The following LSM14B variants were observed in gnomAD, a reference collection of about 807,000 sequenced individuals.
The protein encoded by LSM14B is protein LSM14 homolog B.
A neutral mutation model predicts 42.1 loss-of-function variants in LSM14B; 8 were observed. The observed-to-expected ratio is 0.19, with a 90% confidence interval of 0.11 to 0.34. LSM14B has a LOEUF of 0.34. LSM14B is among the 10% of genes least tolerant of loss of function. The pLI is 1.00. For missense variants in LSM14B, 396 were observed against 513.1 expected (o/e 0.77, Z 2.21); for synonymous variants, 219 against 209.7 (o/e 1.04, Z -0.38).
rs1223364549 is a variant in LSM14B, at chr20:62,133,412, C to T, written c.1109C>T (p.Thr370Ile). The T allele has an allele frequency of 3.1e-6, 5 of 1,613,168 alleles. No individual in the cohort carries two copies. The South Asian group carries it at 3.3e-5, about 11-fold the overall frequency. Reference sequence around the variant, plus strand: ...TTCCGAGGAGGCAGGGGCAATGGGACCACCCGTCGCAACCCCACTTCCCAC... The same window carrying T: ...TTCCGAGGAGGCAGGGGCAATGGGATCACCCGTCGCAACCCCACTTCCCAC... ...GGFRGGRGNG[T>I]TRRNPTSHRA... The change falls in exon 8 of 9, where the codon ACC becomes ATC. Residue 370 changes from threonine to isoleucine, a missense_variant. Transcript: ENST00000279068.
intron 7 of LSM14B, 142 bp downstream of exon 7, chr20:62,131,648 G>A: frequency 9.2e-7 from 1 of 1,085,728 alleles, no homozygotes; most frequent in Non-Finnish European, 1.3e-6. Context: ...TGCATGATGG[G>A]TGCCGGAGTC....
At chr20:62,132,237 A>T (rs2056788892) in intron 7 of LSM14B, among the ~76,000 whole-genome samples, 1 of 152,236 alleles carries the variant, frequency 6.6e-6, no homozygotes, top group Non-Finnish European at 1.5e-5. Flanking sequence ...ATCAGTTCTC[A>T]CAGGCAGAGC....
chr20:62,130,502 C>A lies in LSM14B; in HGVS notation c.674-28C>A, dbSNP rs369122336. On this transcript the variant is annotated intron_variant, in intron 5 of 8. Coordinates refer to ENST00000279068, the MANE Select transcript of LSM14B (RefSeq NM_144703.3). The surrounding 1 kb of genome is among the most constrained non-coding windows in gnomAD (Gnocchi z 4.1). ...AGATCACTGGGTTGGTGACCTACTTCAGCCAGGGCTGTCCTTTGTCCTCAC... is the reference window on the plus strand; with the variant it reads ...AGATCACTGGGTTGGTGACCTACTTAAGCCAGGGCTGTCCTTTGTCCTCAC... 56 of 1,609,226 alleles carry A rather than the reference C, an allele frequency of 3.5e-5. No individual in the cohort carries two copies. The African/African-American group carries it at 7.2e-4, about 21-fold the overall frequency.
chr20:62,131,092 G>A (rs1035333383), intron 6 of LSM14B, among the ~76,000 whole-genome samples: 1 of 152,168 alleles, frequency 6.6e-6, no homozygotes, highest in Non-Finnish European at 1.5e-5. Flanking sequence ...GATGCCAGGC[G>A]GATGGTGACC....
At chr20:62,128,473 T>G (rs2056668209) in intron 3 of LSM14B, among the ~76,000 whole-genome samples, 1 of 152,224 alleles carries the variant, frequency 6.6e-6, no homozygotes, top group African/African-American at 2.4e-5. Context: ...ACTCTGTGTA[T>G]CTGAGTTACA....
At chr20:62,131,327 A>G (rs370978232) in intron 6 of LSM14B, 29 bp from the exon 7 acceptor site, 1 of 1,564,392 alleles carries the variant, frequency 6.4e-7, no homozygotes, top group Middle Eastern at 1.7e-4. Context: ...CCCCTCCTCC[A>G]TCTCCACGTG....
At chr20:62,126,968 GC>G (rs1245430018) in intron 3 of LSM14B, among the ~76,000 whole-genome samples, 2 of 152,206 alleles carry the variant, frequency 1.3e-5, no homozygotes, top group African/African-American at 4.8e-5. Flanking sequence ...CTGCACTCTA[GC>G]CTGAGCGGCA....
At position 62,130,736 on chromosome 20, in the gene LSM14B, CT is replaced by C; in HGVS notation, c.835+46del. ...AATTATTCTCTGCACAGGAGTACCC[CT>C]AGAGAGTGTTAGGAGGAGATGCCTG... On this transcript the variant is annotated intron_variant, in intron 6 of 8. Coordinates refer to ENST00000279068, the MANE Select transcript of LSM14B (RefSeq NM_144703.3). This position sits in a 1 kb window ranked among gnomAD's most constrained non-coding sequence, Gnocchi z 4.1. The C allele has an allele frequency of 6.3e-7, 1 of 1,586,832 alleles. No individual in the cohort carries two copies. Among genetic ancestry groups the C allele is most frequent in the South Asian group, 1.1e-5 (1 of 89,164 alleles).
chr20:62,131,297 C>T, intron 6 of LSM14B, 59 bp from the exon 7 acceptor site: 2 of 1,532,870 alleles, frequency 1.3e-6, no homozygotes, highest in African/African-American at 2.8e-5. Flanking sequence ...GACCACCCTG[C>T]TAAAAGGCTG....
chr20:62,124,681 T>C lies in LSM14B; in HGVS notation c.192T>C (p.Tyr64=). 6.2e-7 allele frequency: 1 copy of C among 1,613,982 alleles called. No individual in the cohort carries two copies. Among genetic ancestry groups the C allele is most frequent in the South Asian group, 1.1e-5 (1 of 91,084 alleles). Residue 64 remains tyrosine (Y), a synonymous_variant, in exon 2 of 9, where the codon TAT becomes TAC. Coordinates refer to ENST00000279068, the MANE Select transcript of LSM14B (RefSeq NM_144703.3). ...DRPAPPREEI[Y]EYIIFRGSDI... is the part of the protein sequence containing the mutation. The stretch of plus-strand genomic sequence containing the variant: ...CTGCGCCCCCCAGAGAGGAGATTTA[T>C]GAGTACATCATTTTCCGAGGAAGTG...
rs749926243 is a variant in LSM14B, at chr20:62,122,724, G to T, written c.58G>T (p.Ala20Ser). The T allele has an allele frequency of 6.6e-7, 1 of 1,524,990 alleles. No individual in the cohort carries two copies. The highest frequency in any genetic ancestry group is 1.2e-5 in the South Asian group (1 of 85,050). The allele number at this position is 1,524,990 out of a possible 1,614,324, so 94.5% of individuals were successfully genotyped here. The change falls in exon 1 of 9, where the codon GCG (alanine) becomes TCG (serine). Residue 20 changes from alanine (A) to serine (S), a missense_variant. Transcript: ENST00000279068. This position sits in a 1 kb window ranked among gnomAD's most constrained non-coding sequence, Gnocchi z 4.6. ...LGSKISLISK[A>S]QIRYEGILYT... ...CAGCAAGATCAGCCTCATCTCCAAGGCGCAGATCCGCTACGAGGGCATTCT... is the reference window on the plus strand; with the variant it reads ...CAGCAAGATCAGCCTCATCTCCAAGTCGCAGATCCGCTACGAGGGCATTCT...
rs370993896 is a variant in LSM14B at position 62,131,918 on chromosome 20, T to C, written c.986+412T>C. Among the ~76,000 whole-genome samples, 169 of 152,318 alleles carry C rather than the reference T, an allele frequency of 1.1e-3. 4 individuals are homozygous for C. The highest frequency in any genetic ancestry group is 3.7e-3 in the South Asian group (18 of 4,830). On this transcript the variant is annotated intron_variant, in intron 7 of 8. Transcript: ENST00000279068. Reference sequence around the variant, plus strand: ...CTCACACTGGCTTTCCTTCACTTCATTGTTTGAGGCCAGGGACCATGTGGT... The same window carrying C: ...CTCACACTGGCTTTCCTTCACTTCACTGTTTGAGGCCAGGGACCATGTGGT...
intron 3 of LSM14B, 121 bp downstream of exon 3, chr20:62,126,560 T>G: frequency 7.6e-7 from 1 of 1,318,398 alleles, no homozygotes; most frequent in Non-Finnish European, 1.0e-6. Context: ...ACTGTTTTGT[T>G]GCACACTTAG....
At position 62,133,216 on chromosome 20, in the gene LSM14B, G is replaced by T. The variant is rs530420531; in HGVS notation, c.987-74G>T. 141 of 1,560,162 alleles carry T rather than the reference G, an allele frequency of 9.0e-5. 1 individual carries two copies. The African/African-American group carries it at 1.6e-3, about 18-fold the overall frequency. On this transcript the variant is annotated intron_variant, in intron 7 of 8. Transcript: ENST00000279068. ...GAGTCTGTCCCTCCTTCCCTGGGCC[G>T]CTCTGAGGACGAGGCCTGGCCAGAA...
intron 3 of LSM14B, chr20:62,127,832 T>C (rs1364380852): frequency 1.3e-6 from 1 of 750,536 alleles, no homozygotes; most frequent in Admixed American, 2.0e-5. Context: ...GAGCTGCTTG[T>C]TTTGCTTCAG....
chr20:62,125,641 A>G (rs1469084461), intron 2 of LSM14B, among the ~76,000 whole-genome samples: 2 of 152,254 alleles, frequency 1.3e-5, no homozygotes, highest in Non-Finnish European at 2.9e-5. Context: ...AAATTTAAAT[A>G]TTCACTAGCT....
chr20:62,128,265 G>A (rs373221740), intron 3 of LSM14B, among the ~76,000 whole-genome samples: 2 of 152,178 alleles, frequency 1.3e-5, no homozygotes, highest in East Asian at 1.9e-4. Context: ...CTTTTCTCAC[G>A]TTCTACTCAT....
intron 1 of LSM14B, among the ~76,000 whole-genome samples, chr20:62,124,302 C>T (rs1306733514): frequency 6.6e-6 from 1 of 152,250 alleles, no homozygotes; most frequent in Non-Finnish European, 1.5e-5. Context: ...GGAGGCCTTA[C>T]GAAGCAAGCC....
Position 62,122,649 on chromosome 20 carries a change from C to A in LSM14B, c.-18C>A. On this transcript the variant is annotated 5_prime_UTR_variant, in exon 1 of 9. Coordinates refer to ENST00000279068, the MANE Select transcript of LSM14B (RefSeq NM_144703.3). This position sits in a 1 kb window ranked among gnomAD's most constrained non-coding sequence, Gnocchi z 4.6. ...GCGCTCCTTCCCCACCGCGGCCCGA[C>A]GCACCCCGGCCGCCGCCATGAGCGG... 2.2e-6 allele frequency: 3 copies of A among 1,386,768 alleles called. No individual in the cohort carries two copies. The highest frequency in any genetic ancestry group is 1.9e-6 in the Non-Finnish European group (2 of 1,048,798). The allele number at this position is 1,386,768 out of a possible 1,614,324, so 85.9% of individuals were successfully genotyped here.
Sources: gnomAD v4.1 joint callset for allele counts (sites outside exome capture counted in the v4.1 genomes callset) on GRCh38, gnomAD v4.1.1 for gene constraint, Gnocchi (gnomAD v3.1) non-coding constraint, MANE v1.5 for transcripts, NCBI Gene and HGNC (gene_info 2026-07-23, HGNC 2026-07-21) for gene names.